CELF1: variants seen among roughly 807,000 people sequenced by gnomAD.
The protein encoded by CELF1 is 50 kDa nuclear polyadenylated RNA-binding protein.
Under a neutral mutation model 61.8 loss-of-function variants are expected in CELF1, and 10 were observed. That is an observed-to-expected ratio of 0.16 (90% CI 0.10 to 0.27). The LOEUF (loss-of-function observed/expected upper bound fraction) is 0.27, where lower values mean the gene tolerates loss of function less well. CELF1 is among the 10% of genes least tolerant of loss of function. CELF1 has a pLI of 1.00. For synonymous variants in CELF1, 236 were observed against 225.1 expected (o/e 1.05, Z -0.43); for missense variants, 380 against 639.1 (o/e 0.59, Z 4.37).
intron 9 of CELF1, among the ~76,000 whole-genome samples, chr11:47,479,844 G>A (rs1013109377): frequency 1.3e-4 from 19 of 151,988 alleles, no homozygotes; most frequent in Non-Finnish European, 1.0e-4. Flanking sequence ...TTTCTCTGTC[G>A]CCGCAAATCC....
intron 1 of CELF1, among the ~76,000 whole-genome samples, chr11:47,550,669 C>T (rs1205859442): frequency 6.6e-6 from 1 of 151,760 alleles, no homozygotes; most frequent in Non-Finnish European, 1.5e-5. Flanking sequence ...GGGTGAGTTT[C>T]TTCATTTTTT....
rs201015876 is a variant in CELF1, at chr11:47,513,408, GT to G, written c.-153-12477del. ...ACTTGCACTTCCTAGTTTTTTGGGG[GT>G]TTTCCCCCCTGAAATTGCAGGTACT... On this transcript the variant is annotated intron_variant, in intron 1 of 14. Transcript: ENST00000687097. 7.0e-3 allele frequency among the ~76,000 whole-genome samples: 1,061 copies of G among 150,770 alleles called. 15 individuals are homozygous for G. The highest frequency in any genetic ancestry group is 0.024 in the African/African-American group (971 of 40,476).
At chr11:47,542,844 T>C (rs2096843819) in intron 1 of CELF1, among the ~76,000 whole-genome samples, 1 of 151,994 alleles carries the variant, frequency 6.6e-6, no homozygotes, top group South Asian at 2.1e-4. Context: ...TTAGAAAATA[T>C]CAACAGGGCT....
At chr11:47,473,634 A>G (rs2078671771) in intron 13 of CELF1, among the ~76,000 whole-genome samples, 2 of 152,206 alleles carry the variant, frequency 1.3e-5, no homozygotes, top group African/African-American at 4.8e-5. Flanking sequence ...GACAGCAAAC[A>G]GATTGGTAGT....
chr11:47,561,835 T>C (rs1356787655), intron 2 of CELF1, among the ~76,000 whole-genome samples: 1 of 151,440 alleles, frequency 6.6e-6, no homozygotes, highest in Non-Finnish European at 1.5e-5. Flanking sequence ...TATTTGGCAA[T>C]AAAAAGAAGG....
Position 47,467,975 on chromosome 11 carries a change from T to C in CELF1, c.*4255A>G, listed in dbSNP as rs1314001055. The C allele has an allele frequency of 6.6e-6, 1 of 152,174 alleles. No homozygotes were observed. Among genetic ancestry groups the C allele is most frequent in the Non-Finnish European group, 1.5e-5 (1 of 68,036 alleles). 9.4% of individuals were successfully genotyped at this position (152,174 alleles called of 1,614,324 possible). On this transcript the variant is annotated 3_prime_UTR_variant, in exon 15 of 15. Transcript: ENST00000687097. ...AGAAAACAGAGAGGTGAAGGTGATA[T>C]ATACGAAGGTGTGAAGAAACAGCAG...
chr11:47,483,918 T>A (rs1160431449), intron 7 of CELF1, among the ~76,000 whole-genome samples: 1 of 152,078 alleles, frequency 6.6e-6, no homozygotes, highest in African/African-American at 2.4e-5. Flanking sequence ...AAGAATGAAC[T>A]GATAGGAGGA....
chr11:47,539,707 A>T (rs2096726266), intron 1 of CELF1, among the ~76,000 whole-genome samples: 1 of 152,142 alleles, frequency 6.6e-6, no homozygotes, highest in Non-Finnish European at 1.5e-5. Flanking sequence ...GTACTAGACC[A>T]CTCCAAGAAC....
chr11:47,488,449 A>C (rs2089090924), intron 4 of CELF1, among the ~76,000 whole-genome samples: 1 of 152,162 alleles, frequency 6.6e-6, no homozygotes, highest in South Asian at 2.1e-4. Context: ...CCAAACACTA[A>C]AGAAAACTTT....
intron 3 of CELF1, among the ~76,000 whole-genome samples, chr11:47,489,935 G>GTTTTTTT (rs561900704): frequency 0.043 from 2,058 of 48,132 alleles, 675 homozygotes; most frequent in African/African-American, 0.15. Flanking sequence ...ATACCATCTT[G>GTTTTTTT]TTTTTTTTTT....
chr11:47,476,592 AT>A lies in CELF1; in HGVS notation c.1087+253del, dbSNP rs1215072474. 2.0e-5 allele frequency among the ~76,000 whole-genome samples: 3 copies of A among 151,990 alleles called. No individual in the cohort carries two copies. The East Asian group carries it at 5.8e-4, about 29-fold the overall frequency. ...AGGCGCCCGCCACCAGGCCCAGCTAATTTTTTTGTATTTTTAGGGGAGACGG... is the reference window on the plus strand; with the variant it reads ...AGGCGCCCGCCACCAGGCCCAGCTAATTTTTTGTATTTTTAGGGGAGACGG... On this transcript the variant is annotated intron_variant, in intron 12 of 14. Transcript: ENST00000687097.
chr11:47,494,343 T>C (rs776240141), intron 3 of CELF1: 10 of 964,922 alleles, frequency 1.0e-5, no homozygotes, highest in African/African-American at 1.8e-5. Flanking sequence ...GAGGAGGTAG[T>C]TACTCTCATT....
At chr11:47,492,799 A>G (rs767952589) in intron 3 of CELF1, among the ~76,000 whole-genome samples, 11 of 152,184 alleles carry the variant, frequency 7.2e-5, no homozygotes, top group Non-Finnish European at 1.3e-4. Flanking sequence ...GACAACTTTA[A>G]TTACCAGTTG....
chr11:47,483,428 TC>T, intron 8 of CELF1, 24 bp downstream of exon 8: 1 of 1,597,228 alleles, frequency 6.3e-7, no homozygotes, highest in Non-Finnish European at 8.6e-7. Context: ...TGAGGAATTT[TC>T]CCCATCACCT....
In CELF1 at chr11:47,490,505, C is replaced by G. The variant is rs576940184; in HGVS notation, c.72-1481G>C. 8.0e-5 allele frequency among the ~76,000 whole-genome samples: 12 copies of G among 150,402 alleles called. No homozygotes were observed. The South Asian group carries it at 2.5e-3, about 32-fold the overall frequency. ...GCAATGGCATGATCTCAGCTCTCTG[C>G]AACCTCCTCCTCCCAGGTTCAAGCA... On this transcript the variant is annotated intron_variant, in intron 3 of 14. Transcript: ENST00000687097.
At chr11:47,509,153 CTG>C (rs1315045980) in intron 1 of CELF1, among the ~76,000 whole-genome samples, 2 of 152,194 alleles carry the variant, frequency 1.3e-5, no homozygotes, top group African/African-American at 2.4e-5. Flanking sequence ...TGTGAGAAAA[CTG>C]AAACGCTTTG....
chr11:47,479,042 G>A, intron 9 of CELF1, 90 bp from the exon 10 acceptor site: 2 of 1,011,438 alleles, frequency 2.0e-6, no homozygotes, highest in Admixed American at 2.0e-5. Flanking sequence ...AAGCGAGAGT[G>A]CAGAGGCCCC....
chr11:47,520,083 G>C (rs997674189), intron 1 of CELF1, among the ~76,000 whole-genome samples: 1 of 150,276 alleles, frequency 6.7e-6, no homozygotes, highest in African/African-American at 2.4e-5. Context: ...TATATACCCA[G>C]AACTAAAGAG....
chr11:47,477,286 C>A lies in CELF1; in HGVS notation c.973+11G>T, dbSNP rs374802832. 9 of 1,613,938 alleles carry A rather than the reference C, an allele frequency of 5.6e-6. No homozygotes were observed. In the African/African-American group the frequency reaches 1.2e-4, roughly 22 times the overall value. ...GCACATAATGGCACACTGGGTCATCCTCATGCTTACCTGAACTAGTGAGCA... is the reference window on the plus strand; with the variant it reads ...GCACATAATGGCACACTGGGTCATCATCATGCTTACCTGAACTAGTGAGCA... On this transcript the variant is annotated intron_variant, in intron 11 of 14. Transcript: ENST00000687097.
Sources: gnomAD v4.1 joint callset for allele counts (sites outside exome capture counted in the v4.1 genomes callset) on GRCh38, gnomAD v4.1.1 for gene constraint, MANE v1.5 for transcripts, NCBI Gene and HGNC (gene_info 2026-07-23, HGNC 2026-07-21) for gene names.